NXPE1: variants seen among roughly 807,000 people sequenced by gnomAD.
NXPE1 encodes neurexophilin and PC-esterase domain family member 1.
In NXPE1, 31 loss-of-function variants were observed where a neutral mutation model predicts 33.3. That is an observed-to-expected ratio of 0.93 (90% CI 0.70 to 1.26). NXPE1 has a LOEUF of 1.26. NXPE1 is among the 50% of genes most tolerant of loss of function. The pLI, the probability that NXPE1 is intolerant of heterozygous loss-of-function variation, is 0.00. For missense variants in NXPE1, 661 were observed against 655.6 expected (o/e 1.01, Z -0.09); for synonymous variants, 229 against 231.4 (o/e 0.99, Z 0.09).
At chr11:114,535,405 A>T (rs373940661) in intron 5 of NXPE1, among the ~76,000 whole-genome samples, 3 of 152,180 alleles carry the variant, frequency 2.0e-5, no homozygotes, top group South Asian at 4.1e-4. Context: ...AACATCATAA[A>T]GACAGGATCA....
chr11:114,519,146 T>A (rs1947147859), downstream of NXPE1, among the ~76,000 whole-genome samples: 1 of 152,238 alleles, frequency 6.6e-6, no homozygotes, highest in African/African-American at 2.4e-5. Flanking sequence ...GCCTTTTATA[T>A]GACAAATGTT....
chr11:114,544,935 C>T (rs1049036886), intron 5 of NXPE1, among the ~76,000 whole-genome samples: 2 of 152,036 alleles, frequency 1.3e-5, no homozygotes, highest in African/African-American at 4.8e-5. Context: ...AAAGAAGAGA[C>T]ACGCATTACA....
intron 1 of NXPE1, among the ~76,000 whole-genome samples, chr11:114,554,674 T>G (rs1046672041): frequency 2.3e-4 from 35 of 152,224 alleles, no homozygotes; most frequent in African/African-American, 8.2e-4. Flanking sequence ...ATTTCAAGAT[T>G]CTTTATTAAC....
Position 114,539,398 on chromosome 11 carries a change from C to G in NXPE1, c.100-8490G>C, listed in dbSNP as rs564885383. The stretch of plus-strand genomic sequence containing the variant: ...TGTATACATATGTAACAAACCTGCA[C>G]GTTGTGCACATGTACCCTAAAACTT... On this transcript the variant is annotated intron_variant, in intron 5 of 8. Coordinates refer to ENST00000534921, the Ensembl canonical transcript of NXPE1. 5.3e-5 allele frequency among the ~76,000 whole-genome samples: 8 copies of G among 151,252 alleles called. No homozygotes were observed. In the East Asian group the frequency reaches 1.5e-3, roughly 29 times the overall value.
At chr11:114,545,437 A>T (rs967679799) in intron 5 of NXPE1, among the ~76,000 whole-genome samples, 6 of 152,116 alleles carry the variant, frequency 3.9e-5, no homozygotes, top group African/African-American at 1.5e-4. Context: ...TCTTAAATGC[A>T]TAATGCTAAG....
At chr11:114,533,846 T>G (rs908114364) in intron 5 of NXPE1, among the ~76,000 whole-genome samples, 1 of 152,192 alleles carries the variant, frequency 6.6e-6, no homozygotes, top group Admixed American at 6.5e-5. Context: ...CTCTTTAGGC[T>G]CCACCTCTGG....
At chr11:114,519,259 C>T (rs1305636230), downstream of NXPE1, among the ~76,000 whole-genome samples, 1 of 152,206 alleles carries the variant, frequency 6.6e-6, no homozygotes, top group Non-Finnish European at 1.5e-5. Flanking sequence ...TGTGAGCCCA[C>T]TGAATTCGTA....
At chr11:114,549,933 G>A (rs1486630579) in intron 5 of NXPE1, among the ~76,000 whole-genome samples, 1 of 148,122 alleles carries the variant, frequency 6.8e-6, no homozygotes, top group Non-Finnish European at 1.5e-5. Flanking sequence ...ACAAAAAATA[G>A]AGAGAAGCTA....
chr11:114,558,025 T>C (rs1481046401), intron 1 of NXPE1, among the ~76,000 whole-genome samples: 1 of 152,076 alleles, frequency 6.6e-6, no homozygotes, highest in Non-Finnish European at 1.5e-5. Context: ...AGAATCTAGA[T>C]CTCTCAACCC....
chr11:114,533,908 G>A (rs765363503), intron 5 of NXPE1, among the ~76,000 whole-genome samples: 2 of 152,212 alleles, frequency 1.3e-5, no homozygotes, highest in Non-Finnish European at 2.9e-5. Context: ...AGACTTAAAT[G>A]TCCCTGTCTG....
At chr11:114,519,968 T>TCGCCTCCC (rs1356498370), downstream of NXPE1, among the ~76,000 whole-genome samples, 1 of 117,232 alleles carries the variant, frequency 8.5e-6, no homozygotes, top group African/African-American at 4.5e-5. Flanking sequence ...CTCGGCGAGC[T>TCGCCTCCC]TGCCCGCTAA....
At chr11:114,554,401 C>G (rs1179300059) in intron 1 of NXPE1, 1 of 984,770 alleles carries the variant, frequency 1.0e-6, no homozygotes, top group Admixed American at 6.2e-5. Flanking sequence ...TGACAATATT[C>G]CAGAACAGGG....
intron 5 of NXPE1, among the ~76,000 whole-genome samples, chr11:114,537,688 C>A (rs1455519690): frequency 6.6e-6 from 1 of 152,010 alleles, no homozygotes; most frequent in Admixed American, 6.5e-5. Flanking sequence ...ACAATTGCTT[C>A]AAAGAGAATA....
chr11:114,524,486 T>G (rs779960815), intron 7 of NXPE1, among the ~76,000 whole-genome samples: 1 of 152,192 alleles, frequency 6.6e-6, no homozygotes, highest in Non-Finnish European at 1.5e-5. Context: ...AAAGTGCACT[T>G]GGAATAGCTC....
chr11:114,559,036 A>C (rs1948719044), intron 1 of NXPE1, among the ~76,000 whole-genome samples: 1 of 152,250 alleles, frequency 6.6e-6, no homozygotes, highest in East Asian at 1.9e-4. Flanking sequence ...CTGTAATATG[A>C]AGAGCTCTTA....
chr11:114,553,496 G>A (rs79468812), intron 1 of NXPE1, among the ~76,000 whole-genome samples: 28 of 152,128 alleles, frequency 1.8e-4, no homozygotes, highest in African/African-American at 6.8e-4. Flanking sequence ...TTTGTCAGAC[G>A]GAATTTTACT....
At chr11:114,541,827 C>T (rs1397645313) in intron 5 of NXPE1, among the ~76,000 whole-genome samples, 1 of 152,106 alleles carries the variant, frequency 6.6e-6, no homozygotes, top group Admixed American at 6.6e-5. Context: ...ACAAAAGAAC[C>T]AAACAATATC....
chr11:114,538,302 G>A (rs562944582), intron 5 of NXPE1, among the ~76,000 whole-genome samples: 4 of 152,308 alleles, frequency 2.6e-5, no homozygotes, highest in Admixed American at 6.5e-5. Context: ...AGACTTACAT[G>A]TTTGACCTAA....
intron 6 of NXPE1, chr11:114,529,169 G>T (rs1947479107): frequency 4.9e-6 from 1 of 204,206 alleles, no homozygotes; most frequent in African/African-American, 2.3e-5. Context: ...ATTCTACTCT[G>T]TCACCAAGCT....
Sources: gnomAD v4.1 joint callset for allele counts (sites outside exome capture counted in the v4.1 genomes callset) on GRCh38, gnomAD v4.1.1 for gene constraint, MANE v1.5 for transcripts, NCBI Gene and HGNC (gene_info 2026-07-23, HGNC 2026-07-21) for gene names.